The following NLRP14 variants were observed in gnomAD, a reference collection of about 807,000 sequenced individuals.
NLRP14 encodes the protein NLR family pyrin domain containing 14, also known as NACHT, LRR and PYD domains-containing protein 14.
Under a neutral mutation model 94.7 loss-of-function variants are expected in NLRP14, and 105 were observed. The observed-to-expected ratio is 1.11, with a 90% confidence interval of 0.95 to 1.30. NLRP14 has a LOEUF of 1.30. NLRP14 is among the 50% of genes most tolerant of loss of function. The pLI is 0.00. For synonymous variants in NLRP14, 508 were observed against 459.9 expected (o/e 1.10, Z -1.34); for missense variants, 1,362 against 1,254.1 (o/e 1.09, Z -1.30).
At chr11:7,080,081 A>G in the NLRP14 span, among the ~76,000 whole-genome samples, 1 of 152,204 alleles carries the variant, frequency 6.6e-6, no homozygotes, top group Non-Finnish European at 1.5e-5. Context: ...AGCAGAGAAC[A>G]AAGGACAAGG....
intron 1 of NLRP14, among the ~76,000 whole-genome samples, chr11:7,025,506 T>C (rs1282748442): frequency 6.6e-6 from 1 of 152,018 alleles, no homozygotes; most frequent in East Asian, 1.9e-4. Flanking sequence ...ATAAAATAAA[T>C]AATAAACCAA....
At chr11:7,063,204 T>G (rs1220356968) in intron 10 of NLRP14, among the ~76,000 whole-genome samples, 3 of 152,120 alleles carry the variant, frequency 2.0e-5, no homozygotes, top group Non-Finnish European at 4.4e-5. Flanking sequence ...AATTTTATCC[T>G]ACTTACAACC....
At chr11:7,048,064 C>T (rs1671555848) in intron 5 of NLRP14, among the ~76,000 whole-genome samples, 1 of 152,052 alleles carries the variant, frequency 6.6e-6, no homozygotes, top group Non-Finnish European at 1.5e-5. Context: ...CTGGCTATAT[C>T]CATCTTCTTG....
chr11:7,041,078 A>G (rs1037003730), intron 3 of NLRP14, among the ~76,000 whole-genome samples: 7 of 152,148 alleles, frequency 4.6e-5, no homozygotes, highest in African/African-American at 1.7e-4. Context: ...TGATTTACTG[A>G]TTATTTTCTC....
At position 7,057,688 on chromosome 11, in the gene NLRP14, G is replaced by A; in HGVS notation, c.2303G>A (p.Cys768Tyr). ...CKLQTLRLES[C>Y]NLTVFCCLNI... ...GTGTTGTTTTCCAGGCTGGAATCTT[G>A]CAACCTAACTGTATTTTGTTGTCTA... The change falls in exon 7 of 12, where the codon TGC (cysteine) becomes TAC (tyrosine). Residue 768 changes from cysteine to tyrosine, a missense_variant. By Grantham distance (194) the Cys-to-Tyr change is radical. Transcript: ENST00000299481. The A allele has an allele frequency of 6.2e-7, 1 of 1,612,394 alleles. No individual in the cohort carries two copies. The highest frequency in any genetic ancestry group is 8.5e-7 in the Non-Finnish European group (1 of 1,178,772).
At chr11:7,022,047 A>G (rs1249298601) in intron 1 of NLRP14, among the ~76,000 whole-genome samples, 4 of 152,142 alleles carry the variant, frequency 2.6e-5, no homozygotes, top group Non-Finnish European at 2.9e-5. Context: ...CAATATGAAT[A>G]ACAAAGAGCA....
At position 7,043,911 on chromosome 11, in the gene NLRP14, C is replaced by T. The variant is rs189202448; in HGVS notation, c.1885C>T (p.Arg629Trp). The part of the protein sequence containing the change: ...SFCLKHCRCL[R>W]TIRLSVTVVF... ...CTGCCTTAAGCACTGCCGGTGTTTG[C>T]GGACCATCAGGCTGTCTGTAACTGT... Residue 629 changes from arginine (R) to tryptophan (W), a missense_variant, in exon 4 of 12, where the codon CGG (arginine) becomes TGG (tryptophan). Arg to Trp is a moderately radical substitution (Grantham distance 101). Coordinates refer to ENST00000299481, the MANE Select transcript of NLRP14 (RefSeq NM_176822.4). 2.0e-4 allele frequency: 327 copies of T among 1,613,992 alleles called. 4 individuals are homozygous for T. Among genetic ancestry groups the T allele is most frequent in the South Asian group, 1.3e-3 (114 of 91,068 alleles).
chr11:7,039,568 T>C (rs113300361), intron 2 of NLRP14, 146 bp from the exon 3 acceptor site: 22 of 748,670 alleles, frequency 2.9e-5, no homozygotes, highest in African/African-American at 2.9e-4. Flanking sequence ...GCTTATGGAG[T>C]CTGAGGCTCT....
chr11:7,033,841 A>G (rs1852127472), intron 1 of NLRP14, among the ~76,000 whole-genome samples: 1 of 152,128 alleles, frequency 6.6e-6, no homozygotes, highest in Admixed American at 6.5e-5. Flanking sequence ...GGTAATTTGT[A>G]TCATGTCCCT....
intron 6 of NLRP14, among the ~76,000 whole-genome samples, chr11:7,051,211 A>G (rs1226512425): frequency 6.6e-6 from 1 of 152,192 alleles, no homozygotes; most frequent in Non-Finnish European, 1.5e-5. Flanking sequence ...GAGCTTTGTA[A>G]TAATCTCATA....
chr11:7,089,793 T>C, the NLRP14 span: 1 of 1,600,762 alleles, frequency 6.2e-7, no homozygotes, highest in Admixed American at 1.7e-5. Flanking sequence ...GAGCCGAGAC[T>C]ACCGCGAACC....
intron 10 of NLRP14, among the ~76,000 whole-genome samples, chr11:7,064,248 C>T (rs1267566546): frequency 6.6e-6 from 1 of 152,058 alleles, no homozygotes; most frequent in Non-Finnish European, 1.5e-5. Flanking sequence ...TAAGATTCCA[C>T]ATTAGGAGGT....
At chr11:7,076,953 A>G in the NLRP14 span, among the ~76,000 whole-genome samples, 1 of 152,164 alleles carries the variant, frequency 6.6e-6, no homozygotes, top group Non-Finnish European at 1.5e-5. Flanking sequence ...ATTATTTTCC[A>G]ACTTCCCAGC....
intron 4 of NLRP14, among the ~76,000 whole-genome samples, 157 bp downstream of exon 4, chr11:7,044,141 A>C (rs530248576): frequency 6.6e-6 from 1 of 152,100 alleles, no homozygotes; most frequent in Non-Finnish European, 1.5e-5. Context: ...TAAACCCCTT[A>C]TTGACCAATC....
chr11:7,033,205 T>G (rs1220692267), intron 1 of NLRP14, among the ~76,000 whole-genome samples: 1 of 152,252 alleles, frequency 6.6e-6, no homozygotes, highest in Non-Finnish European at 1.5e-5. Flanking sequence ...TTACAAGCAG[T>G]GCTGCTGTAG....
chr11:7,026,466 AC>A (rs539273727), intron 1 of NLRP14, among the ~76,000 whole-genome samples: 133 of 152,312 alleles, frequency 8.7e-4, no homozygotes, highest in African/African-American at 3.2e-3. Context: ...ATACCATCTC[AC>A]ACCAGTTAGA....
At chr11:7,055,096 C>T (rs758331361) in intron 6 of NLRP14, among the ~76,000 whole-genome samples, 1 of 152,012 alleles carries the variant, frequency 6.6e-6, no homozygotes, top group Non-Finnish European at 1.5e-5. Context: ...GCACCTTTGT[C>T]GAAAATGAGT....
chr11:7,046,959 A>C, intron 5 of NLRP14, 127 bp downstream of exon 5: 3 of 777,618 alleles, frequency 3.9e-6, no homozygotes, highest in Non-Finnish European at 4.5e-6. Flanking sequence ...TAAAATAAAC[A>C]GGAACAATGG....
the NLRP14 span, among the ~76,000 whole-genome samples, chr11:7,087,138 T>G: frequency 6.6e-6 from 1 of 152,202 alleles, no homozygotes; most frequent in Non-Finnish European, 1.5e-5. Context: ...CAAAGCTCAT[T>G]CTTTTCTGCT....
Sources: gnomAD v4.1 joint callset for allele counts (sites outside exome capture counted in the v4.1 genomes callset) on GRCh38, gnomAD v4.1.1 for gene constraint, MANE v1.5 for transcripts, NCBI Gene and HGNC (gene_info 2026-07-23, HGNC 2026-07-21) for gene names.